The following FLI1 variants were observed in gnomAD, a reference collection of about 807,000 sequenced individuals.
FLI1 encodes Fli-1 proto-oncogene, ETS transcription factor, also known as Friend leukemia integration 1 transcription factor.
FLI1 carries 13 observed loss-of-function variants against 53.1 expected under a neutral mutation model. The observed-to-expected ratio is 0.24, with a 90% CI of 0.16 to 0.39. FLI1 has a LOEUF of 0.39. FLI1 is among the 10% of genes least tolerant of loss of function. FLI1 has a pLI of 1.00. For missense variants in FLI1, 424 were observed against 600.5 expected (o/e 0.71, Z 3.07); for synonymous variants, 244 against 236.7 (o/e 1.03, Z -0.28).
At chr11:128,700,459 T>C (rs930808725) in intron 1 of FLI1, among the ~76,000 whole-genome samples, 2 of 152,158 alleles carry the variant, frequency 1.3e-5, no homozygotes, top group African/African-American at 2.4e-5. Flanking sequence ...TAGGAAACTA[T>C]GGTAAAGGGC....
At chr11:128,753,021 G>T (rs116482908) in intron 1 of FLI1, among the ~76,000 whole-genome samples, 1,586 of 152,280 alleles carry the variant, frequency 0.01, 37 homozygotes, top group African/African-American at 0.037. Context: ...ACCCCAAGCA[G>T]CTTGCCTTGC....
At chr11:128,782,626 A>C (rs1941951722) in intron 5 of FLI1, among the ~76,000 whole-genome samples, 1 of 152,162 alleles carries the variant, frequency 6.6e-6, no homozygotes, top group Non-Finnish European at 1.5e-5. Flanking sequence ...TGGACCCAGG[A>C]GGCAGAGGCT....
At chr11:128,688,224 G>T (rs1937615832) in intron 1 of FLI1, among the ~76,000 whole-genome samples, 1 of 152,154 alleles carries the variant, frequency 6.6e-6, no homozygotes, top group Admixed American at 6.5e-5. Flanking sequence ...AGAGGGGCAC[G>T]TGGGAGCCCC....
intron 1 of FLI1, among the ~76,000 whole-genome samples, chr11:128,720,603 C>T (rs182751985): frequency 5.7e-4 from 87 of 152,318 alleles, no homozygotes; most frequent in Non-Finnish European, 1.1e-3. Context: ...GCCCAGGGCC[C>T]GATCTGATAG....
At chr11:128,774,182 G>C (rs1001760567) in intron 4 of FLI1, among the ~76,000 whole-genome samples, 2 of 152,258 alleles carry the variant, frequency 1.3e-5, no homozygotes, top group Admixed American at 1.3e-4. Context: ...AACACGTGCT[G>C]GCTGGAGAAA....
At chr11:128,756,192 T>C (rs1231787403) in intron 1 of FLI1, among the ~76,000 whole-genome samples, 1 of 152,170 alleles carries the variant, frequency 6.6e-6, no homozygotes, top group Non-Finnish European at 1.5e-5. Context: ...CAGGGCTGAG[T>C]GGCTTAAGCA....
At chr11:128,711,233 C>T (rs1043249839) in intron 1 of FLI1, among the ~76,000 whole-genome samples, 8 of 152,192 alleles carry the variant, frequency 5.3e-5, no homozygotes, top group African/African-American at 1.7e-4. Flanking sequence ...CAGTACAAGA[C>T]TGCATCATTC....
At chr11:128,777,270 C>T (rs563095408) in intron 4 of FLI1, among the ~76,000 whole-genome samples, 19 of 152,050 alleles carry the variant, frequency 1.2e-4, no homozygotes, top group Admixed American at 4.6e-4. Context: ...GGTGGGGAGG[C>T]AGAAAGAAAA....
chr11:128,768,688 C>CAAAAAAAA (rs34066469), intron 3 of FLI1, among the ~76,000 whole-genome samples: 5 of 77,766 alleles, frequency 6.4e-5, no homozygotes, highest in African/African-American at 2.6e-4. Flanking sequence ...GACTCTGTCT[C>CAAAAAAAA]AAAAAAAAAA....
chr11:128,694,005 C>T, upstream of FLI1: 2 of 379,314 alleles, frequency 5.3e-6, no homozygotes, highest in East Asian at 7.7e-5. Flanking sequence ...AGGACTTCCT[C>T]CCCGATTCGC....
Position 128,772,928 on chromosome 11 carries a change from G to T in FLI1, c.532G>T (p.Ala178Ser), listed in dbSNP as rs372454174. The change falls in exon 4 of 9, where the codon GCC becomes TCC. Residue 178 changes from alanine to serine, a missense_variant. Around this residue, in one of 5 missense-constraint regions of FLI1, gnomAD observed 114 missense variants for 117.9 expected, o/e 0.97. Transcript: ENST00000527786. ...AATGAACAAGGAGGACTTCCTCCGCGCCACCACCCTCTACAACACGGAAGT... is the reference window on the plus strand; with the variant it reads ...AATGAACAAGGAGGACTTCCTCCGCTCCACCACCCTCTACAACACGGAAGT... ...CKMNKEDFLR[A>S]TTLYNTEVLL... 5 of 1,613,868 alleles carry T rather than the reference G, an allele frequency of 3.1e-6. No individual in the cohort carries two copies. The highest frequency in any genetic ancestry group is 3.4e-6 in the Non-Finnish European group (4 of 1,179,902).
At chr11:128,758,070 G>A (rs1347791776) in intron 1 of FLI1, 45 bp from the exon 2 acceptor site, 2 of 1,533,106 alleles carry the variant, frequency 1.3e-6, no homozygotes, top group Admixed American at 3.7e-5. Context: ...ACTTGCTTGG[G>A]TGAAGAGTGA....
chr11:128,741,733 G>T (rs653835), intron 1 of FLI1, among the ~76,000 whole-genome samples: 1 of 151,804 alleles, frequency 6.6e-6, no homozygotes, highest in African/African-American at 2.4e-5. Context: ...CCCTCCCCCC[G>T]ATTCCTGCTC....
intron 4 of FLI1, among the ~76,000 whole-genome samples, chr11:128,777,704 C>G (rs1941779319): frequency 6.6e-6 from 1 of 152,220 alleles, no homozygotes; most frequent in Non-Finnish European, 1.5e-5. Context: ...GCACACTCAG[C>G]CAGAGCTGTT....
intron 4 of FLI1, among the ~76,000 whole-genome samples, chr11:128,779,602 G>A (rs908986451): frequency 2.6e-5 from 4 of 152,226 alleles, no homozygotes; most frequent in African/African-American, 9.6e-5. Context: ...GGTCCATTCT[G>A]AGCACATTGC....
intron 1 of FLI1, among the ~76,000 whole-genome samples, chr11:128,739,980 G>T (rs1377151330): frequency 3.3e-5 from 5 of 152,194 alleles, no homozygotes; most frequent in Admixed American, 3.3e-4. Context: ...CCACTGGCAA[G>T]GTCTCTCATC....
At chr11:128,782,416 C>T (rs981705041) in intron 5 of FLI1, among the ~76,000 whole-genome samples, 4 of 152,100 alleles carry the variant, frequency 2.6e-5, no homozygotes, top group Admixed American at 6.5e-5. Flanking sequence ...TTTTAGCAGC[C>T]GGTCATGCTG....
At position 128,694,194 on chromosome 11, in the gene FLI1, C is replaced by A; in HGVS notation, c.-65C>A. On this transcript the variant is annotated 5_prime_UTR_variant, in exon 1 of 9. Coordinates refer to ENST00000527786, the MANE Select transcript of FLI1 (RefSeq NM_002017.5). ...GCGCCGGGCTAATCCGAAGGGGCTGCGAGGTCAGGCTGTAACCGGGTCAAT... is the reference window on the plus strand; with the variant it reads ...GCGCCGGGCTAATCCGAAGGGGCTGAGAGGTCAGGCTGTAACCGGGTCAAT... 2 of 1,500,720 alleles carry A rather than the reference C, an allele frequency of 1.3e-6. No homozygotes were observed. Among genetic ancestry groups the A allele is most frequent in the East Asian group, 2.7e-5 (1 of 36,830 alleles). 93.0% of individuals were successfully genotyped at this position (1,500,720 alleles called of 1,614,324 possible). A position where few individuals can be genotyped will look rare whatever the true frequency, so the allele number is the denominator to read the frequency against.
chr11:128,688,625 C>A lies in FLI1; in HGVS notation c.-203+1924C>A, dbSNP rs368290975. Among the ~76,000 whole-genome samples the A allele has an allele frequency of 3.9e-5, 6 of 151,984 alleles. No homozygotes were observed. In the East Asian group the frequency reaches 7.8e-4, roughly 20 times the overall value. On this transcript the variant is annotated intron_variant, in intron 1 of 6. Coordinates refer to the FLI1 transcript ENST00000344954. ...CCTGGCCCCTAGGGGCCAAGGGTGC[C>A]GGCTCCACCGGGGTCACGATCTGAA...
Sources: allele counts gnomAD v4.1 joint callset (sites outside exome capture counted in the v4.1 genomes callset), GRCh38; gene constraint gnomAD v4.1.1; regional missense constraint gnomAD v4.1.1; transcripts MANE v1.5; gene names NCBI Gene and HGNC (gene_info 2026-07-23, HGNC 2026-07-21).